The following SYT16 variants were observed in gnomAD, a reference collection of about 807,000 sequenced individuals.
The protein encoded by SYT16 is synaptotagmin-16.
SYT16 carries 42 observed loss-of-function variants against 61.4 expected under a neutral mutation model. The observed-to-expected ratio is 0.68, with a 90% CI of 0.53 to 0.89. SYT16 has a LOEUF of 0.89. Ranked by LOEUF, SYT16 falls within the 40% of genes least tolerant of loss-of-function variation. SYT16 has a pLI of 0.00. For synonymous variants in SYT16, 314 were observed against 302.3 expected (o/e 1.04, Z -0.40); for missense variants, 804 against 807.3 (o/e 1.00, Z 0.05).
intron 1 of SYT16, among the ~76,000 whole-genome samples, chr14:61,930,490 C>T (rs761746959): frequency 3.3e-5 from 5 of 152,024 alleles, no homozygotes; most frequent in Non-Finnish European, 7.4e-5. Context: ...GTTGGAACTG[C>T]CTTCTCCACC....
intron 3 of SYT16, among the ~76,000 whole-genome samples, chr14:62,010,398 C>G (rs759396975): frequency 2.0e-4 from 31 of 152,108 alleles, no homozygotes; most frequent in Admixed American, 1.2e-3. Flanking sequence ...AGCATGTAAA[C>G]AGAGACCTGA....
Position 61,923,098 on chromosome 14 carries a change from C to T in SYT16, c.-324-47034C>T, listed in dbSNP as rs1228558507. 1.3e-5 allele frequency among the ~76,000 whole-genome samples: 2 copies of T among 150,782 alleles called. 1 individual carries two copies. Among genetic ancestry groups the T allele is most frequent in the Admixed American group, 1.3e-4 (2 of 15,118 alleles). On this transcript the variant is annotated intron_variant, in intron 1 of 7. Transcript: ENST00000683842. ...TGGACCTATTTGTATACTATTCTTT[C>T]TGCTCATTATGGCAGGCTGGAAGAG... is the stretch of plus-strand genomic sequence containing the variant.
chr14:62,038,007 G>A (rs1212259464), intron 3 of SYT16, among the ~76,000 whole-genome samples: 1 of 152,128 alleles, frequency 6.6e-6, no homozygotes, highest in African/African-American at 2.4e-5. Flanking sequence ...CAATACTGTT[G>A]ATTAAGCAGA....
chr14:62,096,703 G>A (rs1420182437), intron 7 of SYT16, among the ~76,000 whole-genome samples: 2 of 152,020 alleles, frequency 1.3e-5, no homozygotes, highest in African/African-American at 4.8e-5. Context: ...TGATAAACTG[G>A]AAATGATAAA....
At chr14:62,029,296 G>A (rs2054220401) in intron 3 of SYT16, among the ~76,000 whole-genome samples, 1 of 152,184 alleles carries the variant, frequency 6.6e-6, no homozygotes, top group Non-Finnish European at 1.5e-5. Flanking sequence ...ACCTGGTTGT[G>A]AAGTGGTCCC....
intron 1 of SYT16, among the ~76,000 whole-genome samples, chr14:61,963,460 C>T (rs1311109207): frequency 6.6e-6 from 1 of 152,170 alleles, no homozygotes; most frequent in South Asian, 2.1e-4. Flanking sequence ...CCAGCTATAG[C>T]ATTCCCTTAA....
At chr14:61,925,704 A>G (rs1042825025) in intron 1 of SYT16, among the ~76,000 whole-genome samples, 5 of 152,058 alleles carry the variant, frequency 3.3e-5, no homozygotes, top group African/African-American at 4.8e-5. Context: ...TTTTCTTCTA[A>G]CATCTTATGA....
chr14:61,865,761 TC>T (rs1465889604), intron 1 of SYT16, among the ~76,000 whole-genome samples: 3 of 152,184 alleles, frequency 2.0e-5, no homozygotes, highest in African/African-American at 7.2e-5. Flanking sequence ...TCATTTTTTT[TC>T]AGCACATGGA....
chr14:61,824,771 G>C lies in SYT16; in HGVS notation c.-325+11961G>C, dbSNP rs2045723912. Among the ~76,000 whole-genome samples the C allele has an allele frequency of 1.3e-5, 2 of 152,112 alleles. 1 individual carries two copies. Among genetic ancestry groups the C allele is most frequent in the South Asian group, 4.1e-4 (2 of 4,828 alleles). On this transcript the variant is annotated intron_variant, in intron 1 of 7. Transcript: ENST00000683842. ...CCCAGAGTGTGAACTCAAGGTAATG[G>C]TGGTCCCTAAGACTTTTAGAGGGTC...
intron 3 of SYT16, among the ~76,000 whole-genome samples, chr14:62,061,857 A>G (rs1395581297): frequency 1.3e-5 from 2 of 152,184 alleles, no homozygotes; most frequent in African/African-American, 2.4e-5. Flanking sequence ...GCAAGTATAT[A>G]TATAATCTGT....
intron 7 of SYT16, among the ~76,000 whole-genome samples, chr14:62,088,630 A>G (rs2056966478): frequency 1.3e-5 from 2 of 152,336 alleles, no homozygotes; most frequent in Admixed American, 1.3e-4. Flanking sequence ...ACCTTAAAAA[A>G]GTACTGTAAA....
At chr14:61,912,259 G>A (rs2048962081) in intron 1 of SYT16, among the ~76,000 whole-genome samples, 2 of 152,128 alleles carry the variant, frequency 1.3e-5, no homozygotes, top group African/African-American at 2.4e-5. Context: ...GCATGAAAAA[G>A]GGGGAACACG....
At chr14:61,833,403 C>T (rs532590629) in intron 1 of SYT16, among the ~76,000 whole-genome samples, 7 of 151,834 alleles carry the variant, frequency 4.6e-5, no homozygotes, top group Admixed American at 4.6e-4. Flanking sequence ...AGCGATTTTC[C>T]TGCCTCAGCC....
At chr14:62,090,836 G>A (rs1400989670) in intron 7 of SYT16, among the ~76,000 whole-genome samples, 2 of 152,144 alleles carry the variant, frequency 1.3e-5, no homozygotes, top group East Asian at 3.8e-4. Flanking sequence ...GGCTAGGGAG[G>A]CCTCACAATC....
chr14:62,081,182 A>G lies in SYT16; in HGVS notation c.1342A>G (p.Met448Val), dbSNP rs761667451. 6.8e-6 allele frequency: 11 copies of G among 1,613,958 alleles called. No individual in the cohort carries two copies. In the South Asian group the frequency reaches 1.1e-4, roughly 16 times the overall value. The change falls in exon 6 of 8, where the codon ATG (methionine) becomes GTG (valine). Residue 448 changes from methionine (M) to valine (V), a missense_variant. Physicochemically the swap from Met to Val is conservative, Grantham distance 21 (BLOSUM62 1). Coordinates refer to ENST00000683842, the MANE Select transcript of SYT16 (RefSeq NM_001367656.1). ...YAARKMTRER[M>V]MGEKLFYLSH... is the part of the protein sequence containing the mutation. ...TGCCCGGAAGATGACCCGAGAGAGA[A>G]TGATGGGAGAGAAACTATTCTATCT... is the stretch of plus-strand genomic sequence containing the variant.
intron 1 of SYT16, among the ~76,000 whole-genome samples, chr14:61,886,898 C>CTTTTTTTTTT (rs377557650): frequency 1.0e-5 from 1 of 98,228 alleles, no homozygotes; most frequent in African/African-American, 4.0e-5. Context: ...TTTTTTTTGT[C>CTTTTTTTTTT]TTTTTTTTTT....
intron 2 of SYT16, among the ~76,000 whole-genome samples, chr14:61,977,289 C>T (rs1314910625): frequency 6.6e-6 from 1 of 152,150 alleles, no homozygotes; most frequent in Non-Finnish European, 1.5e-5. Context: ...ATAGCAGTAC[C>T]CCACTCTTGG....
chr14:61,963,157 A>G (rs1300671447), intron 1 of SYT16, among the ~76,000 whole-genome samples: 1 of 152,144 alleles, frequency 6.6e-6, no homozygotes, highest in Admixed American at 6.6e-5. Flanking sequence ...TATTAAAATT[A>G]GGCCAATTAA....
At chr14:61,940,243 T>C (rs1476488794) in intron 1 of SYT16, among the ~76,000 whole-genome samples, 2 of 150,764 alleles carry the variant, frequency 1.3e-5, no homozygotes, top group Non-Finnish European at 3.0e-5. Flanking sequence ...TTATTTCTAT[T>C]TTTTTTTTTC....
Sources: gnomAD v4.1 joint callset for allele counts (sites outside exome capture counted in the v4.1 genomes callset) on GRCh38, gnomAD v4.1.1 for gene constraint, MANE v1.5 for transcripts, NCBI Gene and HGNC (gene_info 2026-07-23, HGNC 2026-07-21) for gene names.